Variants in NYAP2 observed in about 807,000 individuals in gnomAD.
NYAP2 encodes neuronal tyrosine-phosphorylated phosphoinositide-3-kinase adaptor 2.
In NYAP2, 23 loss-of-function variants were observed where a neutral mutation model predicts 50.4. That is an observed-to-expected ratio of 0.46 (90% confidence interval 0.33 to 0.65). The LOEUF is 0.65. Ranked by LOEUF, NYAP2 falls within the 30% of genes least tolerant of loss-of-function variation. The pLI, the probability that NYAP2 is intolerant of heterozygous loss-of-function variation, is 0.02. For missense variants in NYAP2, 885 were observed against 861.0 expected (o/e 1.03, Z -0.35); for synonymous variants, 394 against 365.2 (o/e 1.08, Z -0.90).
At chr2:225,574,543 C>G (rs1692134169) in intron 4 of NYAP2, among the ~76,000 whole-genome samples, 1 of 152,178 alleles carries the variant, frequency 6.6e-6, no homozygotes. Context: ...GTTTTCCTAG[C>G]TACTTCCAGC....
chr2:225,671,071 G>C, the NYAP2 span, among the ~76,000 whole-genome samples: 2 of 152,054 alleles, frequency 1.3e-5, no homozygotes, highest in Admixed American at 6.6e-5. Context: ...TGAAGGTTGG[G>C]GTGGCTGTGG....
chr2:225,506,942 T>C (rs1230243460), intron 3 of NYAP2, among the ~76,000 whole-genome samples: 1 of 151,946 alleles, frequency 6.6e-6, no homozygotes, highest in East Asian at 1.9e-4. Flanking sequence ...AAATCCCAAA[T>C]GGTTTGCAAA....
intron 3 of NYAP2, among the ~76,000 whole-genome samples, chr2:225,412,248 C>T (rs552496621): frequency 1.3e-3 from 53 of 39,884 alleles, no homozygotes; most frequent in African/African-American, 2.1e-3. Flanking sequence ...TGAGCCACTG[C>T]GCCCGGCTTT....
intron 4 of NYAP2, among the ~76,000 whole-genome samples, chr2:225,522,476 G>A (rs1691082352): frequency 3.3e-5 from 5 of 152,126 alleles, no homozygotes. Context: ...ATCTTGGAAT[G>A]TGTGGTTGAG....
intron 4 of NYAP2, among the ~76,000 whole-genome samples, chr2:225,573,037 G>A (rs1398624101): frequency 2.0e-5 from 3 of 152,040 alleles, no homozygotes; most frequent in African/African-American, 4.8e-5. Flanking sequence ...TCAAAGGAAA[G>A]CTTACTTTCT....
the NYAP2 span, among the ~76,000 whole-genome samples, chr2:225,676,716 CACA>C: frequency 6.6e-6 from 1 of 152,168 alleles, no homozygotes; most frequent in African/African-American, 2.4e-5. Flanking sequence ...AGATCCCTCT[CACA>C]ACATGTGGAA....
intron 3 of NYAP2, among the ~76,000 whole-genome samples, chr2:225,420,605 TC>T (rs1695198501): frequency 5.2e-5 from 2 of 38,818 alleles, no homozygotes; most frequent in Non-Finnish European, 1.1e-4. Flanking sequence ...CTTTTTCTTT[TC>T]TTTTCTTTTT....
chr2:225,426,269 C>T (rs181286152), intron 3 of NYAP2, among the ~76,000 whole-genome samples: 313 of 152,060 alleles, frequency 2.1e-3, no homozygotes, highest in Non-Finnish European at 2.8e-3. Context: ...TGTGTGATTA[C>T]GGACAAATTA....
At chr2:225,697,308 G>C in the NYAP2 span, among the ~76,000 whole-genome samples, 391 of 152,032 alleles carry the variant, frequency 2.6e-3, 3 homozygotes, top group Non-Finnish European at 4.4e-3. Context: ...CTGACCTCAT[G>C]AATCCATTTT....
intron 4 of NYAP2, among the ~76,000 whole-genome samples, chr2:225,531,102 G>A (rs979358270): frequency 6.6e-6 from 1 of 152,032 alleles, no homozygotes; most frequent in Non-Finnish European, 1.5e-5. Context: ...TCATCTGATC[G>A]TGTGACTATC....
exon 6 of NYAP2, chr2:225,627,085 G>C: frequency 1.3e-6 from 2 of 1,595,382 alleles, no homozygotes; most frequent in Non-Finnish European, 1.7e-6. Context: ...CTAGGAAGAT[G>C]CTCTGTGAGC....
chr2:225,563,339 G>A (rs1559215326), intron 4 of NYAP2, among the ~76,000 whole-genome samples: 3 of 152,164 alleles, frequency 2.0e-5, no homozygotes, highest in Admixed American at 6.6e-5. Flanking sequence ...AGGCAGGGGA[G>A]TGAAGAGAAA....
chr2:225,663,766 C>T, the NYAP2 span, among the ~76,000 whole-genome samples: 1 of 152,066 alleles, frequency 6.6e-6, no homozygotes, highest in Admixed American at 6.6e-5. Flanking sequence ...CCATGTTGGC[C>T]AGGATGGTCT....
chr2:225,617,145 A>T (rs1414317858), intron 5 of NYAP2, among the ~76,000 whole-genome samples: 1 of 152,220 alleles, frequency 6.6e-6, no homozygotes, highest in Non-Finnish European at 1.5e-5. Flanking sequence ...GACATTTCAA[A>T]AATCACATCA....
At chr2:225,530,044 A>C (rs1031904476) in intron 4 of NYAP2, among the ~76,000 whole-genome samples, 15 of 152,114 alleles carry the variant, frequency 9.9e-5, no homozygotes, top group African/African-American at 3.4e-4. Flanking sequence ...CCTGACAAAA[A>C]CATTTTTCCC....
In NYAP2 at chr2:225,577,465, T is replaced by A. The variant is rs181077403; in HGVS notation, c.524-4476T>A. Among the ~76,000 whole-genome samples the A allele has an allele frequency of 9.2e-5, 14 of 151,970 alleles. No homozygotes were observed. The East Asian group carries it at 2.1e-3, about 23-fold the overall frequency. ...GTGGCATTTTAAATAATTTTTTTTT[T>A]AATTTTTATGTTCCTAGAATGAGGT... On this transcript the variant is annotated intron_variant, in intron 4 of 6. Transcript: ENST00000636099.
intron 4 of NYAP2, among the ~76,000 whole-genome samples, chr2:225,553,428 A>G (rs1691717596): frequency 6.6e-6 from 1 of 152,242 alleles, no homozygotes; most frequent in Non-Finnish European, 1.5e-5. Context: ...GATGAGATGG[A>G]AGCTGAGGAG....
At chr2:225,700,669 A>T in the NYAP2 span, 75 of 151,774 alleles carry the variant, frequency 4.9e-4, 2 homozygotes, top group Admixed American at 4.9e-3. Flanking sequence ...ACAAGATACT[A>T]ATTCTCAGCA....
chr2:225,470,905 C>T (rs1690003630), intron 3 of NYAP2, among the ~76,000 whole-genome samples: 1 of 152,068 alleles, frequency 6.6e-6, no homozygotes, highest in Non-Finnish European at 1.5e-5. Context: ...CCTACCTCAG[C>T]CTCCTTCCCA....
Sources: gnomAD v4.1 joint callset for allele counts (sites outside exome capture counted in the v4.1 genomes callset) on GRCh38, gnomAD v4.1.1 for gene constraint, MANE v1.5 for transcripts, NCBI Gene and HGNC (gene_info 2026-07-23, HGNC 2026-07-21) for gene names.